The following ARMC2 variants were observed in gnomAD, a reference collection of about 807,000 sequenced individuals.
The protein encoded by ARMC2 is armadillo repeat-containing protein 2.
In ARMC2, 67 loss-of-function variants were observed where a neutral mutation model predicts 90.3. The ratio of observed to expected loss-of-function variants is 0.74; its 90% CI spans 0.61 to 0.91. The LOEUF is 0.91. Ranked by LOEUF, ARMC2 falls within the 40% of genes least tolerant of loss-of-function variation. ARMC2 has a pLI of 0.00. For synonymous variants in ARMC2, 393 were observed against 393.0 expected (o/e 1.00, Z 0.00); for missense variants, 920 against 1,030.9 (o/e 0.89, Z 1.47).
At chr6:108,861,451 G>A (rs1775233163) in intron 3 of ARMC2, among the ~76,000 whole-genome samples, 1 of 152,196 alleles carries the variant, frequency 6.6e-6, no homozygotes, top group African/African-American at 2.4e-5. Context: ...TCATAGCTCA[G>A]AAAATTAACA....
At chr6:108,874,469 G>A (rs1776743590) in intron 4 of ARMC2, among the ~76,000 whole-genome samples, 1 of 152,230 alleles carries the variant, frequency 6.6e-6, no homozygotes. Flanking sequence ...AACAGAATGT[G>A]TGCTTCATAA....
At chr6:108,913,611 A>G (rs966955091) in intron 10 of ARMC2, among the ~76,000 whole-genome samples, 3 of 152,246 alleles carry the variant, frequency 2.0e-5, no homozygotes, top group Admixed American at 1.3e-4. Context: ...GCTGAAAAGT[A>G]TAAGGAAGAA....
At chr6:109,042,054 A>T in the ARMC2 span, among the ~76,000 whole-genome samples, 159 of 152,252 alleles carry the variant, frequency 1.0e-3, no homozygotes, top group African/African-American at 3.6e-3. Context: ...GATAATAGGA[A>T]AATGGAAGCC....
chr6:108,863,617 A>T (rs529110958), intron 3 of ARMC2, among the ~76,000 whole-genome samples: 13 of 152,328 alleles, frequency 8.5e-5, no homozygotes, highest in African/African-American at 3.1e-4. Context: ...AAGAGGTGTG[A>T]CCATGTGAAT....
Position 108,854,300 on chromosome 6 carries a change from A to G in ARMC2, c.33A>G (p.Lys11=), listed in dbSNP as rs1162650009. The G allele has an allele frequency of 3.2e-5, 52 of 1,611,306 alleles. No homozygotes were observed. Among genetic ancestry groups the G allele is most frequent in the Non-Finnish European group, 4.3e-5 (51 of 1,179,012 alleles). MLSPNDKMLG[K]LDPFYQPSVS... The stretch of plus-strand genomic sequence containing the variant: ...CTCCAAATGATAAAATGTTAGGAAA[A>G]CTGGATCCATTTTATCAACCTTCAG... Residue 11 remains lysine (K), a synonymous_variant, in exon 2 of 18, where the codon AAA becomes AAG. Transcript: ENST00000392644.
Position 108,910,980 on chromosome 6 carries a change from A to G in ARMC2, c.1105A>G (p.Ile369Val). 2 of 1,581,336 alleles carry G rather than the reference A, an allele frequency of 1.3e-6. No individual in the cohort carries two copies. Among genetic ancestry groups the G allele is most frequent in the Non-Finnish European group, 1.7e-6 (2 of 1,162,724 alleles). The change falls in exon 9 of 18, where the codon ATT (isoleucine) becomes GTT (valine). Residue 369 changes from isoleucine (I) to valine (V), a missense_variant. Transcript: ENST00000392644. Reference protein sequence around the residue: ...ISRNEKNDSLIQNDSILESLL... With the variant: ...ISRNEKNDSLVQNDSILESLL... ...CAGGAATGAGAAGAATGATTCTTTG[A>G]TTCAAAATGACAGCATTCTGGGTGA...
chr6:109,001,588 T>C, the ARMC2 span: 4 of 1,064,710 alleles, frequency 3.8e-6, no homozygotes, highest in South Asian at 1.5e-5. Flanking sequence ...TAGAAGCAGA[T>C]TAAATCTGGC....
At chr6:109,032,305 G>A in the ARMC2 span, among the ~76,000 whole-genome samples, 1 of 151,792 alleles carries the variant, frequency 6.6e-6, no homozygotes, top group Non-Finnish European at 1.5e-5. Flanking sequence ...CATTTCAGAT[G>A]AGGCGTGCTC....
chr6:108,991,194 T>C, the ARMC2 span, among the ~76,000 whole-genome samples: 1 of 152,082 alleles, frequency 6.6e-6, no homozygotes, highest in Admixed American at 6.6e-5. Context: ...TCCTTTTCCA[T>C]TGCTGCAGCC....
chr6:108,923,487 G>T (rs1290531795), intron 10 of ARMC2, among the ~76,000 whole-genome samples: 13 of 147,722 alleles, frequency 8.8e-5, no homozygotes, highest in African/African-American at 3.0e-4. Flanking sequence ...GAGAGTTCTT[G>T]TTTTCTTTTT....
the ARMC2 span, among the ~76,000 whole-genome samples, chr6:109,030,772 T>C: frequency 2.6e-5 from 4 of 152,198 alleles, no homozygotes; most frequent in Non-Finnish European, 5.9e-5. Context: ...TAATTTCCCA[T>C]AGAGTGACTT....
chr6:108,942,536 G>A (rs1776526853), intron 12 of ARMC2, among the ~76,000 whole-genome samples: 1 of 152,188 alleles, frequency 6.6e-6, no homozygotes, highest in South Asian at 2.1e-4. Flanking sequence ...TTGAGGCTTG[G>A]AACTGATTGT....
the ARMC2 span, among the ~76,000 whole-genome samples, chr6:109,036,990 T>G: frequency 1.3e-5 from 2 of 152,242 alleles, no homozygotes; most frequent in African/African-American, 4.8e-5. Context: ...GTTAGGAAAC[T>G]TACCGATCAA....
At chr6:108,854,122 G>T in intron 1 of ARMC2, 103 bp from the exon 2 acceptor site, 1 of 607,318 alleles carries the variant, frequency 1.6e-6, no homozygotes, top group Non-Finnish European at 2.8e-6. Flanking sequence ...ATTTTTAAAA[G>T]CTTAATATAG....
rs1646623773 is a variant in ARMC2 at position 108,974,391 on chromosome 6, A to C, written c.*877A>C. On this transcript the variant is annotated 3_prime_UTR_variant, in exon 18 of 18. Coordinates refer to ENST00000392644, the MANE Select transcript of ARMC2 (RefSeq NM_032131.6). ...GTGTATCATGTGGAGTGGGTGTTCA[A>C]GAACATTATGATGGCAAGCACTTTC... is the stretch of plus-strand genomic sequence containing the variant. 6.6e-6 allele frequency: 1 copy of C among 152,256 alleles called. No individual in the cohort carries two copies. Among genetic ancestry groups the C allele is most frequent in the Non-Finnish European group, 1.5e-5 (1 of 68,046 alleles). The allele number at this position is 152,256 out of a possible 1,614,324, so 9.4% of individuals were successfully genotyped here.
intron 7 of ARMC2, among the ~76,000 whole-genome samples, chr6:108,901,409 C>G (rs1323312531): frequency 1.0e-5 from 1 of 98,934 alleles, no homozygotes; most frequent in Admixed American, 1.2e-4. Context: ...GCCACCGCAC[C>G]TGGCCTAATT....
chr6:108,878,253 A>T (rs1777131104), intron 5 of ARMC2, among the ~76,000 whole-genome samples: 1 of 152,242 alleles, frequency 6.6e-6, no homozygotes, highest in Non-Finnish European at 1.5e-5. Context: ...GAGTATTCCC[A>T]GTTTTGATGG....
chr6:108,888,906 G>T (rs561880204), intron 5 of ARMC2, among the ~76,000 whole-genome samples: 1 of 152,020 alleles, frequency 6.6e-6, no homozygotes. Context: ...CCCCCAAATC[G>T]CATCACTTCC....
chr6:109,049,746 T>C, the ARMC2 span, among the ~76,000 whole-genome samples: 3 of 150,380 alleles, frequency 2.0e-5, no homozygotes, highest in African/African-American at 7.3e-5. Flanking sequence ...ATATATATTA[T>C]GTTGAAATCA....
Sources: allele counts gnomAD v4.1 joint callset (sites outside exome capture counted in the v4.1 genomes callset), GRCh38; gene constraint gnomAD v4.1.1; transcripts MANE v1.5; gene names NCBI Gene and HGNC (gene_info 2026-07-23, HGNC 2026-07-21).